Variants in WWOX observed in about 807,000 individuals in gnomAD.
WWOX encodes WW domain-containing oxidoreductase.
A neutral mutation model predicts 46.2 loss-of-function variants in WWOX; 69 were observed. That is an observed-to-expected ratio of 1.49 (90% CI 1.23 to 1.82). The LOEUF (loss-of-function observed/expected upper bound fraction) is 1.82. WWOX is among the 40% of genes most tolerant of loss of function. The pLI, the probability that WWOX is intolerant of heterozygous loss-of-function variation, is 0.00. For synonymous variants in WWOX, 359 were observed against 202.6 expected (o/e 1.77, Z -6.56); for missense variants, 919 against 542.6 (o/e 1.69, Z -6.89).
intron 8 of WWOX, among the ~76,000 whole-genome samples, chr16:78,639,824 C>A (rs1471662775): frequency 1.3e-5 from 2 of 152,128 alleles, no homozygotes; most frequent in Non-Finnish European, 2.9e-5. Flanking sequence ...CCCCAGCCTC[C>A]CACAGTGTTG....
At chr16:78,121,642 T>TC (rs1567583375) in intron 4 of WWOX, among the ~76,000 whole-genome samples, 3 of 151,692 alleles carry the variant, frequency 2.0e-5, no homozygotes, top group Non-Finnish European at 1.5e-5. Flanking sequence ...TATACAGTAG[T>TC]CCCCCCTTAT....
At chr16:78,282,577 T>C (rs1229751780) in intron 5 of WWOX, among the ~76,000 whole-genome samples, 1 of 152,060 alleles carries the variant, frequency 6.6e-6, no homozygotes, top group Non-Finnish European at 1.5e-5. Context: ...GAAGAGTGGC[T>C]TAGAACAGGG....
chr16:78,665,723 C>T (rs945539000), intron 8 of WWOX, among the ~76,000 whole-genome samples: 2 of 152,214 alleles, frequency 1.3e-5, no homozygotes, highest in South Asian at 2.1e-4. Flanking sequence ...CTTGCTCTGT[C>T]GCCCAGGCTG....
intron 5 of WWOX, among the ~76,000 whole-genome samples, chr16:78,244,423 G>T (rs1238469634): frequency 2.0e-5 from 3 of 152,174 alleles, no homozygotes; most frequent in Non-Finnish European, 1.5e-5. Context: ...ACTGTGAGAG[G>T]CTTGGCAAAA....
At chr16:78,578,044 C>G (rs1196066103) in intron 8 of WWOX, among the ~76,000 whole-genome samples, 2 of 151,662 alleles carry the variant, frequency 1.3e-5, no homozygotes, top group African/African-American at 2.4e-5. Flanking sequence ...CTTGTATAAA[C>G]TTTATAAAAT....
intron 5 of WWOX, among the ~76,000 whole-genome samples, chr16:78,312,436 G>A (rs143267175): frequency 1.4e-5 from 2 of 147,190 alleles, no homozygotes; most frequent in African/African-American, 5.0e-5. Flanking sequence ...GGAGTGCAAT[G>A]GCATGATTTC....
rs1036647656 is a variant in WWOX at position 78,294,123 on chromosome 16, C to T, written c.517-92737C>T. On this transcript the variant is annotated intron_variant, in intron 5 of 8. Transcript: ENST00000566780. ...GCCCATTTGTCCTCTGCTGCTGGTC[C>T]CTGGGTGGGACAGCTCCCCTTTCTC... Among the ~76,000 whole-genome samples the T allele has an allele frequency of 3.9e-5, 6 of 151,962 alleles. 1 individual carries two copies.
chr16:79,138,503 C>T (rs956146926), intron 8 of WWOX, among the ~76,000 whole-genome samples: 2 of 152,158 alleles, frequency 1.3e-5, no homozygotes, highest in Non-Finnish European at 2.9e-5. Context: ...CTCCTGTGGC[C>T]CCACTGTGCC....
At chr16:78,556,696 G>A (rs571456141) in intron 8 of WWOX, among the ~76,000 whole-genome samples, 76 of 152,130 alleles carry the variant, frequency 5.0e-4, no homozygotes, top group African/African-American at 1.7e-3. Context: ...CCCTGAGACC[G>A]GCAAACACAT....
intron 5 of WWOX, among the ~76,000 whole-genome samples, chr16:78,321,748 C>T (rs542779011): frequency 2.0e-5 from 3 of 152,116 alleles, no homozygotes; most frequent in Non-Finnish European, 4.4e-5. Context: ...TGGTGCCTGG[C>T]GTCAGCACAC....
intron 8 of WWOX, among the ~76,000 whole-genome samples, chr16:79,082,742 A>G (rs1350506854): frequency 6.6e-6 from 1 of 152,200 alleles, no homozygotes; most frequent in East Asian, 1.9e-4. Flanking sequence ...CATGTGATGC[A>G]AACTTTTGAG....
At chr16:78,168,963 A>G (rs1049973433) in intron 5 of WWOX, among the ~76,000 whole-genome samples, 4 of 152,204 alleles carry the variant, frequency 2.6e-5, no homozygotes, top group Non-Finnish European at 5.9e-5. Context: ...ACAGGATAAC[A>G]TGGACAGTAC....
intron 8 of WWOX, among the ~76,000 whole-genome samples, chr16:78,576,618 A>T (rs1259681531): frequency 6.6e-6 from 1 of 152,174 alleles, no homozygotes; most frequent in East Asian, 1.9e-4. Flanking sequence ...GCATCACTTG[A>T]GGCCAGAAGT....
chr16:78,588,382 C>G (rs773474152), intron 8 of WWOX, among the ~76,000 whole-genome samples: 4 of 152,252 alleles, frequency 2.6e-5, no homozygotes, highest in Non-Finnish European at 5.9e-5. Flanking sequence ...TGATTTATAT[C>G]TTGGGGGGCC....
chr16:78,639,210 A>C (rs903439105), intron 8 of WWOX, among the ~76,000 whole-genome samples: 15 of 152,194 alleles, frequency 9.9e-5, no homozygotes, highest in African/African-American at 3.4e-4. Context: ...GTACTTCTGC[A>C]TGTGCGCAAA....
chr16:79,051,054 A>G (rs947627264), intron 8 of WWOX, among the ~76,000 whole-genome samples: 1 of 152,230 alleles, frequency 6.6e-6, no homozygotes, highest in South Asian at 2.1e-4. Context: ...ATTCCCAAGG[A>G]AGCTGTAGCC....
chr16:78,522,005 A>G (rs911271625), intron 8 of WWOX, among the ~76,000 whole-genome samples: 1 of 152,170 alleles, frequency 6.6e-6, no homozygotes, highest in African/African-American at 2.4e-5. Context: ...TGAAATTCAG[A>G]GAGATTAAGT....
chr16:78,506,855 G>C (rs1454068539), intron 8 of WWOX, among the ~76,000 whole-genome samples: 2 of 152,082 alleles, frequency 1.3e-5, no homozygotes, highest in East Asian at 3.9e-4. Context: ...TGGAACTACA[G>C]GCACCTACCA....
At chr16:78,288,459 C>T (rs1302486144) in intron 5 of WWOX, among the ~76,000 whole-genome samples, 1 of 151,952 alleles carries the variant, frequency 6.6e-6, no homozygotes, top group African/African-American at 2.4e-5. Context: ...CTGTGGTTGT[C>T]AATTTAATGG....
Sources: gnomAD v4.1 joint callset for allele counts (sites outside exome capture counted in the v4.1 genomes callset) on GRCh38, gnomAD v4.1.1 for gene constraint, MANE v1.5 for transcripts, NCBI Gene and HGNC (gene_info 2026-07-23, HGNC 2026-07-21) for gene names.